The following GALNT13 variants were observed in gnomAD, a reference collection of about 807,000 sequenced individuals.
GALNT13 encodes the protein UDP-GalNAc:polypeptide N-acetylgalactosaminyltransferase 13.
In GALNT13, 28 loss-of-function variants were observed where a neutral mutation model predicts 64.2. That is an observed-to-expected ratio of 0.44 (90% CI 0.32 to 0.60). The LOEUF is 0.60. GALNT13 is among the 20% of genes least tolerant of loss of function. The pLI is 0.05. For missense variants in GALNT13, 577 were observed against 669.8 expected, an observed-to-expected ratio of 0.86 and a Z score of 1.53; for synonymous variants, 214 against 224.6, an observed-to-expected ratio of 0.95 and a Z score of 0.42.
the GALNT13 span, among the ~76,000 whole-genome samples, chr2:153,866,669 T>C: frequency 3.9e-5 from 6 of 152,324 alleles, no homozygotes; most frequent in African/African-American, 9.6e-5. Context: ...TAAGATATAT[T>C]GAATCATAAG....
chr2:154,409,265 TTAAAA>T (rs1430817322), intron 11 of GALNT13, 183 bp downstream of exon 11: 2 of 592,610 alleles, frequency 3.4e-6, no homozygotes, highest in African/African-American at 1.9e-5. Context: ...AGCTGAAAAA[TTAAAA>T]TAAAAAGAGC....
chr2:153,729,602 C>A, the GALNT13 span, among the ~76,000 whole-genome samples: 1 of 151,992 alleles, frequency 6.6e-6, no homozygotes, highest in Non-Finnish European at 1.5e-5. Context: ...TGCCCACTTT[C>A]ACTATTCCTA....
At chr2:153,128,934 C>T in the GALNT13 span, among the ~76,000 whole-genome samples, 6 of 152,000 alleles carry the variant, frequency 3.9e-5, no homozygotes, top group African/African-American at 1.4e-4. Context: ...AAAGACCTGC[C>T]CCCATGATTT....
intron 4 of GALNT13, among the ~76,000 whole-genome samples, chr2:154,146,526 C>G (rs1317837498): frequency 6.6e-6 from 1 of 151,982 alleles, no homozygotes; most frequent in Non-Finnish European, 1.5e-5. Flanking sequence ...TAAAGGACAT[C>G]AGAATATGCT....
At chr2:153,882,821 G>T (rs10210620) in intron 1 of GALNT13, among the ~76,000 whole-genome samples, 36,672 of 150,938 alleles carry the variant, frequency 0.24, 4,743 homozygotes, top group Non-Finnish European at 0.28. Context: ...AGAAATGGGG[G>T]ATCTTGCTAT....
At chr2:154,313,984 ATT>A (rs773805273) in intron 9 of GALNT13, among the ~76,000 whole-genome samples, 10 of 152,130 alleles carry the variant, frequency 6.6e-5, no homozygotes, top group Admixed American at 1.3e-4. Flanking sequence ...AACCTGCTGA[ATT>A]AGTCAAGGTA....
At chr2:153,500,252 T>C in the GALNT13 span, among the ~76,000 whole-genome samples, 2 of 152,264 alleles carry the variant, frequency 1.3e-5, no homozygotes, top group South Asian at 2.1e-4. Flanking sequence ...TCCATTTGCA[T>C]GACCATTTGG....
chr2:153,114,816 C>T, the GALNT13 span, among the ~76,000 whole-genome samples: 2 of 151,928 alleles, frequency 1.3e-5, no homozygotes, highest in Non-Finnish European at 2.9e-5. Context: ...ACTACTAACA[C>T]TTGTTTTTCT....
chr2:154,430,464 C>A (rs1454402723), intron 11 of GALNT13, among the ~76,000 whole-genome samples: 1 of 152,138 alleles, frequency 6.6e-6, no homozygotes, highest in African/African-American at 2.4e-5. Context: ...TCTGCACTCT[C>A]AAGCTAAAAC....
intron 4 of GALNT13, among the ~76,000 whole-genome samples, chr2:154,158,660 C>G (rs2105656208): frequency 6.6e-6 from 1 of 152,288 alleles, no homozygotes; most frequent in East Asian, 1.9e-4. Context: ...AACAATTCTA[C>G]TTTAGGACCT....
At chr2:153,632,499 C>T in the GALNT13 span, among the ~76,000 whole-genome samples, 2 of 152,042 alleles carry the variant, frequency 1.3e-5, no homozygotes, top group East Asian at 3.9e-4. Flanking sequence ...TGAAAAAATC[C>T]CCTGTGCTCC....
the GALNT13 span, among the ~76,000 whole-genome samples, chr2:153,726,862 C>T: frequency 2.0e-5 from 3 of 151,204 alleles, no homozygotes; most frequent in African/African-American, 7.3e-5. Context: ...ATGGTGTGAA[C>T]CCGGAAGACA....
chr2:153,768,065 T>C, the GALNT13 span, among the ~76,000 whole-genome samples: 2 of 152,174 alleles, frequency 1.3e-5, no homozygotes, highest in Admixed American at 1.3e-4. Context: ...TTTTCTTCTA[T>C]GATTTTTATA....
At chr2:153,327,098 A>T in the GALNT13 span, among the ~76,000 whole-genome samples, 4,981 of 151,304 alleles carry the variant, frequency 0.033, 219 homozygotes, top group African/African-American at 0.1. Flanking sequence ...AATAAAAAAA[A>T]AAATAAATAA....
chr2:153,512,445 AT>A, the GALNT13 span, among the ~76,000 whole-genome samples: 1 of 152,206 alleles, frequency 6.6e-6, no homozygotes, highest in African/African-American at 2.4e-5. Flanking sequence ...TGAAAGCAGT[AT>A]TTGTAAATTC....
intron 4 of GALNT13, among the ~76,000 whole-genome samples, chr2:154,201,806 T>C (rs1010820776): frequency 6.6e-6 from 1 of 152,144 alleles, no homozygotes; most frequent in Non-Finnish European, 1.5e-5. Flanking sequence ...TGAGCAAGTA[T>C]GTCCCAAAAG....
At chr2:154,054,660 A>G (rs568175462) in intron 3 of GALNT13, among the ~76,000 whole-genome samples, 16 of 152,098 alleles carry the variant, frequency 1.1e-4, no homozygotes, top group African/African-American at 3.6e-4. Flanking sequence ...TTCTTTTTTA[A>G]TGACTCCTAT....
chr2:153,299,095 A>G, the GALNT13 span, among the ~76,000 whole-genome samples: 8 of 152,202 alleles, frequency 5.3e-5, no homozygotes, highest in African/African-American at 1.7e-4. Flanking sequence ...AATCCAAATA[A>G]TAGAATTTTG....
the GALNT13 span, among the ~76,000 whole-genome samples, chr2:153,345,499 C>T: frequency 6.6e-6 from 1 of 152,068 alleles, no homozygotes; most frequent in East Asian, 1.9e-4. Context: ...AGGAAATACT[C>T]AGGATGAGAT....
Sources: gnomAD v4.1 joint callset for allele counts (sites outside exome capture counted in the v4.1 genomes callset) on GRCh38, gnomAD v4.1.1 for gene constraint, MANE v1.5 for transcripts, NCBI Gene and HGNC (gene_info 2026-07-23, HGNC 2026-07-21) for gene names.